The following CDK5RAP2 variants were observed in gnomAD, a reference collection of about 807,000 sequenced individuals.
CDK5RAP2 encodes CDK5 regulatory subunit associated protein 2.
CDK5RAP2 carries 147 observed loss-of-function variants against 232.9 expected under a neutral mutation model. The ratio of observed to expected loss-of-function variants is 0.63; its 90% CI spans 0.55 to 0.72. CDK5RAP2 has a LOEUF of 0.72. Ranked by LOEUF, CDK5RAP2 falls within the 30% of genes least tolerant of loss-of-function variation. The pLI, the probability that CDK5RAP2 is intolerant of heterozygous loss-of-function variation, is 0.00. For synonymous variants in CDK5RAP2, 833 were observed against 833.7 expected, an observed-to-expected ratio of 1.00 and a Z score of 0.01; for missense variants, 2,195 against 2,231.5, an observed-to-expected ratio of 0.98 and a Z score of 0.33.
chr9:120,537,616 G>C (rs970337554), intron 6 of CDK5RAP2, among the ~76,000 whole-genome samples: 4 of 151,450 alleles, frequency 2.6e-5, no homozygotes, highest in African/African-American at 9.7e-5. Flanking sequence ...TCTGAAGCCA[G>C]ACTACCTGAT....
chr9:120,530,775 C>T (rs995638947), intron 7 of CDK5RAP2, among the ~76,000 whole-genome samples: 13 of 146,086 alleles, frequency 8.9e-5, no homozygotes, highest in African/African-American at 2.3e-4. Flanking sequence ...CCAAACACTG[C>T]GTGTTCTCAC....
At chr9:120,416,140 G>C (rs2034202802) in intron 27 of CDK5RAP2, among the ~76,000 whole-genome samples, 1 of 152,126 alleles carries the variant, frequency 6.6e-6, no homozygotes, top group Admixed American at 6.5e-5. Context: ...CAGTTCTGCA[G>C]CAGACACCGG....
chr9:120,427,534 C>T (rs1186397955), intron 25 of CDK5RAP2, among the ~76,000 whole-genome samples: 4 of 152,160 alleles, frequency 2.6e-5, no homozygotes, highest in Non-Finnish European at 5.9e-5. Context: ...ACCCAACACC[C>T]TTGCAACAGC....
intron 17 of CDK5RAP2, among the ~76,000 whole-genome samples, chr9:120,469,209 C>T (rs569142004): frequency 3.3e-5 from 5 of 152,184 alleles, no homozygotes; most frequent in Non-Finnish European, 7.3e-5. Context: ...TTCTCTTTCT[C>T]TGCTGAGAAA....
chr9:120,440,236 C>A, intron 23 of CDK5RAP2: 1 of 529,740 alleles, frequency 1.9e-6, no homozygotes, highest in Non-Finnish European at 3.4e-6. Context: ...TAATTTTAAC[C>A]ATGATAAACC....
intron 5 of CDK5RAP2, among the ~76,000 whole-genome samples, chr9:120,540,343 T>A (rs2041578553): frequency 6.6e-6 from 1 of 152,120 alleles, no homozygotes; most frequent in Non-Finnish European, 1.5e-5. Context: ...ACAAATCTAT[T>A]CACCACCAGC....
intron 15 of CDK5RAP2, among the ~76,000 whole-genome samples, chr9:120,474,607 A>G (rs1219077661): frequency 6.6e-6 from 1 of 152,226 alleles, no homozygotes; most frequent in Non-Finnish European, 1.5e-5. Context: ...GGGAGCCAAG[A>G]CGACCTAAGC....
At chr9:120,520,772 A>ATATATCTCAT (rs1491509316) in intron 11 of CDK5RAP2, among the ~76,000 whole-genome samples, 68 of 119,814 alleles carry the variant, frequency 5.7e-4, no homozygotes, top group African/African-American at 1.4e-3. Context: ...GATATATCTC[A>ATATATCTCAT]GATATCTCAT....
At position 120,530,017 on chromosome 9, in the gene CDK5RAP2, A is replaced by G; in HGVS notation, c.786T>C (p.Leu262=). ...CCTTTTCTTCCCTTGGAGCAGCACA[A>G]AGTCCTCGGAGCTCTCCAGATGACA... ...ENVSSGELRG[L]CAAPREEKER... Residue 262 remains leucine, a synonymous_variant, in exon 8 of 38, where the codon CTT becomes CTC. Coordinates refer to ENST00000349780, the MANE Select transcript of CDK5RAP2 (RefSeq NM_018249.6). The G allele has an allele frequency of 6.2e-7, 1 of 1,613,914 alleles. No individual in the cohort carries two copies. Among genetic ancestry groups the G allele is most frequent in the Non-Finnish European group, 8.5e-7 (1 of 1,179,912 alleles).
intron 25 of CDK5RAP2, among the ~76,000 whole-genome samples, chr9:120,423,458 A>C (rs2131385595): frequency 6.6e-6 from 1 of 152,248 alleles, no homozygotes; most frequent in South Asian, 2.1e-4. Context: ...CAGCTGAAAA[A>C]CCCACTGTCT....
intron 32 of CDK5RAP2, 31 bp downstream of exon 32, chr9:120,406,981 C>G (rs1219631621): frequency 8.6e-6 from 13 of 1,507,472 alleles, no homozygotes; most frequent in Non-Finnish European, 1.2e-5. Context: ...GAGCTGCATT[C>G]TCAGCAAGTG....
intron 12 of CDK5RAP2, chr9:120,518,020 G>A (rs1393730096): frequency 8.5e-6 from 2 of 234,320 alleles, no homozygotes; most frequent in Non-Finnish European, 1.8e-5. Context: ...TAAATAAACT[G>A]TAATACATCC....
At chr9:120,492,690 A>G (rs1197296969) in intron 12 of CDK5RAP2, among the ~76,000 whole-genome samples, 1 of 152,202 alleles carries the variant, frequency 6.6e-6, no homozygotes, top group Non-Finnish European at 1.5e-5. Context: ...TCTAAGTACA[A>G]AAGAGGTTGT....
chr9:120,463,394 C>T (rs980512676), intron 18 of CDK5RAP2, among the ~76,000 whole-genome samples: 3 of 152,008 alleles, frequency 2.0e-5, no homozygotes, highest in African/African-American at 4.8e-5. Context: ...ACAACAACAA[C>T]GAAAGTCTCC....
chr9:120,399,710 C>A (rs1241054238), intron 35 of CDK5RAP2, among the ~76,000 whole-genome samples: 1 of 152,182 alleles, frequency 6.6e-6, no homozygotes, highest in Non-Finnish European at 1.5e-5. Flanking sequence ...CAGTGAGTCT[C>A]AGCCTTCCTC....
rs1296378886 is a variant in CDK5RAP2 at position 120,397,566 on chromosome 9, GA to G, written c.5452-2929del. ...TCTTAAAAAAAAAAAAAAAAAAAAA[GA>G]AAAAAGAAAAAAAAAAAAGCCCAAC... is the stretch of plus-strand genomic sequence containing the variant. On this transcript the variant is annotated intron_variant, in intron 35 of 37. Coordinates refer to ENST00000349780, the MANE Select transcript of CDK5RAP2 (RefSeq NM_018249.6). 1.5e-3 allele frequency among the ~76,000 whole-genome samples: 140 copies of G among 94,254 alleles called. 1 individual carries two copies. Among genetic ancestry groups the G allele is most frequent in the African/African-American group, 5.1e-3 (124 of 24,486 alleles). The allele number at this position is 94,254 out of a possible 152,430, so 61.8% of individuals were successfully genotyped here.
chr9:120,482,996 G>A (rs750514203), intron 14 of CDK5RAP2, among the ~76,000 whole-genome samples: 1 of 152,102 alleles, frequency 6.6e-6, no homozygotes, highest in South Asian at 2.1e-4. Context: ...AGATCTCCTC[G>A]GCACACAGGC....
intron 4 of CDK5RAP2, among the ~76,000 whole-genome samples, chr9:120,548,296 A>G (rs2041923841): frequency 6.6e-6 from 1 of 152,174 alleles, no homozygotes; most frequent in Admixed American, 6.5e-5. Context: ...GAGAGCTTCT[A>G]TTTATGAACT....
At position 120,518,566 on chromosome 9, in the gene CDK5RAP2, C is replaced by G; in HGVS notation, c.1172G>C (p.Ser391Thr). 6.2e-7 allele frequency: 1 copy of G among 1,613,792 alleles called. No individual in the cohort carries two copies. Reference sequence around the variant, plus strand: ...TCTACGCAGTCTGTGGTTCTCTGTACTCTTGGTGAGGTTTTGTGAGCGCAG... The same window carrying G: ...TCTACGCAGTCTGTGGTTCTCTGTAGTCTTGGTGAGGTTTTGTGAGCGCAG... Reference protein sequence around the residue: ...AALRSQNLTKSTENHRLRRSI... With the variant: ...AALRSQNLTKTTENHRLRRSI... The change falls in exon 12 of 38, where the codon AGT becomes ACT. Residue 391 changes from serine to threonine, a missense_variant. By Grantham distance (58) the Ser-to-Thr change is moderately conservative. Coordinates refer to ENST00000349780, the MANE Select transcript of CDK5RAP2 (RefSeq NM_018249.6).
Sources: gnomAD v4.1 joint callset for allele counts (sites outside exome capture counted in the v4.1 genomes callset) on GRCh38, gnomAD v4.1.1 for gene constraint, MANE v1.5 for transcripts, NCBI Gene and HGNC (gene_info 2026-07-23, HGNC 2026-07-21) for gene names.